The following HPS3 variants were observed in gnomAD, a reference collection of about 807,000 sequenced individuals.
The protein encoded by HPS3 is HPS3 biogenesis of lysosomal organelles complex 2 subunit 1, also known as BLOC-2 complex member HPS3.
In HPS3, 79 loss-of-function variants were observed where a neutral mutation model predicts 110.9. The ratio of observed to expected loss-of-function variants is 0.71; its 90% confidence interval spans 0.59 to 0.86. The LOEUF is 0.86. HPS3 is among the 40% of genes least tolerant of loss of function. The pLI, the probability that HPS3 is intolerant of heterozygous loss-of-function variation, is 0.00. For synonymous variants in HPS3, 428 were observed against 451.0 expected (o/e 0.95, Z 0.65); for missense variants, 1,197 against 1,206.2 (o/e 0.99, Z 0.11).
intron 2 of HPS3, 95 bp downstream of exon 2, chr3:149,140,593 C>A: frequency 7.6e-7 from 1 of 1,317,166 alleles, no homozygotes. Context: ...TGGTGCCCGG[C>A]CATGTTATTT....
chr3:149,172,255 T>A lies in HPS3; in HGVS notation c.*33T>A. 1 of 1,599,036 alleles carries A rather than the reference T, an allele frequency of 6.3e-7. No homozygotes were observed. The highest frequency in any genetic ancestry group is 8.5e-7 in the Non-Finnish European group (1 of 1,169,906). ...ATTTGAAAAATACCATAATGGCATT[T>A]GAGACTGAATTTCTAAAAATTGAAT... On this transcript the variant is annotated 3_prime_UTR_variant, in exon 17 of 17. Coordinates refer to ENST00000296051, the MANE Select transcript of HPS3 (RefSeq NM_032383.5).
intron 9 of HPS3, 69 bp downstream of exon 9, chr3:149,157,600 C>G: frequency 2.1e-6 from 3 of 1,405,288 alleles, no homozygotes; most frequent in Non-Finnish European, 3.0e-6. Flanking sequence ...GTTAGCTTTT[C>G]CATCTCTGGT....
In HPS3 at chr3:149,140,115, G is replaced by A; in HGVS notation, c.329G>A (p.Gly110Glu). The A allele has an allele frequency of 1.9e-6, 3 of 1,613,500 alleles. No homozygotes were observed. Among genetic ancestry groups the A allele is most frequent in the Non-Finnish European group, 2.5e-6 (3 of 1,179,710 alleles). ...TCTCGTGTGTGTATCCGAATGATTG[G>A]GCATAATGTGGAGGGACCATTCAGC... is the stretch of plus-strand genomic sequence containing the variant. The part of the protein sequence containing the change: ...ENSRVCIRMI[G>E]HNVEGPFSKA... The change falls in exon 2 of 17, where the codon GGG becomes GAG. Residue 110 changes from glycine (G) to glutamate (E), a missense_variant. By Grantham distance (98) the Gly-to-Glu change is moderately conservative. Coordinates refer to ENST00000296051, the MANE Select transcript of HPS3 (RefSeq NM_032383.5).
At chr3:149,135,041 T>C (rs1163922732) in intron 1 of HPS3, among the ~76,000 whole-genome samples, 1 of 152,202 alleles carries the variant, frequency 6.6e-6, no homozygotes, top group African/African-American at 2.4e-5. Context: ...CAATGCCCAG[T>C]GTCCTCCTCT....
At chr3:149,142,586 T>A (rs1722539384) in intron 4 of HPS3, among the ~76,000 whole-genome samples, 2 of 152,242 alleles carry the variant, frequency 1.3e-5, no homozygotes, top group Non-Finnish European at 2.9e-5. Context: ...CTGGCCTGAT[T>A]AACATCTTTA....
chr3:149,159,568 GAA>G (rs1559920386), intron 10 of HPS3, among the ~76,000 whole-genome samples: 1 of 152,004 alleles, frequency 6.6e-6, no homozygotes, highest in African/African-American at 2.4e-5. Context: ...GTCTTAGAGA[GAA>G]AAAAGAAACG....
chr3:149,172,737 T>G lies in HPS3; in HGVS notation c.*515T>G, dbSNP rs1725127255. 1 of 153,074 alleles carries G rather than the reference T, an allele frequency of 6.5e-6. No individual in the cohort carries two copies. Among genetic ancestry groups the G allele is most frequent in the African/African-American group, 2.4e-5 (1 of 41,468 alleles). 9.5% of individuals were successfully genotyped at this position (153,074 alleles called of 1,614,324 possible). A position where few individuals can be genotyped will look rare whatever the true frequency, so the allele number is the denominator to read the frequency against. ...AAAAGATTTCAAACCTCATTTTTTT[T>G]GTTCCTTTTCTTGTTACTTTTAAGA... On this transcript the variant is annotated 3_prime_UTR_variant, in exon 17 of 17. Coordinates refer to ENST00000296051, the MANE Select transcript of HPS3 (RefSeq NM_032383.5).
Position 149,167,125 on chromosome 3 carries a change from A to G in HPS3, c.2681A>G (p.His894Arg), listed in dbSNP as rs1724502645. 6.2e-7 allele frequency: 1 copy of G among 1,613,840 alleles called. No homozygotes were observed. Among genetic ancestry groups the G allele is most frequent in the African/African-American group, 1.3e-5 (1 of 75,040 alleles). The change falls in exon 15 of 17, where the codon CAT becomes CGT. Residue 894 changes from histidine (H) to arginine (R), a missense_variant. His to Arg is a conservative substitution (Grantham distance 29). Transcript: ENST00000296051. ...SEDTIAGLSVHVLCRTRLKEY... is the reference protein window; with the variant it reads ...SEDTIAGLSVRVLCRTRLKEY... ...GACACTATTGCCGGCCTCAGTGTCCATGTTCTGTGTCGTACACGCTTGAAA... is the reference window on the plus strand; with the variant it reads ...GACACTATTGCCGGCCTCAGTGTCCGTGTTCTGTGTCGTACACGCTTGAAA...
At chr3:149,154,799 G>A (rs1331849935) in intron 7 of HPS3, among the ~76,000 whole-genome samples, 1 of 152,212 alleles carries the variant, frequency 6.6e-6, no homozygotes, top group African/African-American at 2.4e-5. Context: ...GACTTCCGCA[G>A]TCAAGGATCT....
At chr3:149,146,026 A>G (rs1187300377) in intron 5 of HPS3, among the ~76,000 whole-genome samples, 2 of 152,186 alleles carry the variant, frequency 1.3e-5, no homozygotes, top group African/African-American at 4.8e-5. Context: ...AGAGGTTAGA[A>G]TTGGCCAAAG....
intron 16 of HPS3, among the ~76,000 whole-genome samples, chr3:149,171,772 T>C (rs1397632530): frequency 2.1e-5 from 3 of 144,654 alleles, no homozygotes; most frequent in African/African-American, 7.8e-5. Flanking sequence ...TGGTGCAATC[T>C]CAACTCACTG....
intron 9 of HPS3, among the ~76,000 whole-genome samples, chr3:149,157,960 C>A (rs771353098): frequency 5.3e-5 from 8 of 152,140 alleles, no homozygotes; most frequent in Non-Finnish European, 8.8e-5. Context: ...ACTTTTTTCC[C>A]ACCATCTATG....
chr3:149,154,105 G>A (rs867797792), intron 7 of HPS3: 25 of 159,362 alleles, frequency 1.6e-4, no homozygotes, highest in South Asian at 5.5e-4. Flanking sequence ...ATGTGCTCAT[G>A]TATCTGAAAA....
chr3:149,158,984 C>T (rs1723626710), intron 10 of HPS3, 138 bp downstream of exon 10: 1 of 641,836 alleles, frequency 1.6e-6, no homozygotes, highest in Non-Finnish European at 2.7e-6. Context: ...GTAATGTGAC[C>T]TTTTCTTCAT....
intron 10 of HPS3, 44 bp from the exon 11 acceptor site, chr3:149,160,002 C>A: frequency 7.0e-7 from 1 of 1,421,202 alleles, no homozygotes. Context: ...TTTCTTCTGG[C>A]TGACTGACCT....
At chr3:149,141,830 C>T (rs914764662) in intron 4 of HPS3, among the ~76,000 whole-genome samples, 10 of 151,474 alleles carry the variant, frequency 6.6e-5, no homozygotes, top group African/African-American at 1.9e-4. Flanking sequence ...CCACCACACC[C>T]GACCTCTATT....
At chr3:149,172,032 G>A (rs1725045855) in intron 16 of HPS3, 63 bp from the exon 17 acceptor site, 2 of 1,557,752 alleles carry the variant, frequency 1.3e-6, no homozygotes, top group South Asian at 2.2e-5. Flanking sequence ...GGTTGGTTAA[G>A]TAAGAAGAGA....
rs550210905 is a variant in HPS3 at position 149,153,656 on chromosome 3, T to A, written c.1400+8T>A. ...GTCACCCAAGAGGCTTCTGTAAGCA[T>A]CCCCTTGCCCCAGGCATTCCTGCCA... On this transcript the variant is annotated splice_region_variant and intron_variant, in intron 7 of 16. Transcript: ENST00000296051. 3 of 1,614,054 alleles carry A rather than the reference T, an allele frequency of 1.9e-6. No homozygotes were observed. Among genetic ancestry groups the A allele is most frequent in the Non-Finnish European group, 2.5e-6 (3 of 1,179,886 alleles).
chr3:149,161,711 T>C (rs1457243279), intron 11 of HPS3, among the ~76,000 whole-genome samples: 3 of 151,616 alleles, frequency 2.0e-5, no homozygotes, highest in African/African-American at 4.8e-5. Flanking sequence ...GGTTTTACCA[T>C]GTTGGCCAGG....
Sources: gnomAD v4.1 joint callset for allele counts (sites outside exome capture counted in the v4.1 genomes callset) on GRCh38, gnomAD v4.1.1 for gene constraint, MANE v1.5 for transcripts, NCBI Gene and HGNC (gene_info 2026-07-23, HGNC 2026-07-21) for gene names.